The following GALNT13 variants were observed in gnomAD, a reference collection of about 807,000 sequenced individuals.
GALNT13 encodes UDP-GalNAc:polypeptide N-acetylgalactosaminyltransferase 13.
In GALNT13, 28 loss-of-function variants were observed where a neutral mutation model predicts 64.2. The ratio of observed to expected loss-of-function variants is 0.44; its 90% CI spans 0.32 to 0.60. GALNT13 has a LOEUF of 0.60. Among genes scored for constraint, GALNT13 ranks in the 20% least tolerant of loss-of-function variants. The pLI is 0.05. For missense variants in GALNT13, 577 were observed against 669.8 expected (o/e 0.86, Z 1.53); for synonymous variants, 214 against 224.6 (o/e 0.95, Z 0.42).
At chr2:153,436,271 A>T in the GALNT13 span, among the ~76,000 whole-genome samples, 1 of 152,122 alleles carries the variant, frequency 6.6e-6, no homozygotes, top group East Asian at 1.9e-4. Context: ...TTCATCAAGG[A>T]TATTGGTCTA....
At chr2:153,530,158 C>A in the GALNT13 span, among the ~76,000 whole-genome samples, 1 of 151,852 alleles carries the variant, frequency 6.6e-6, no homozygotes. Flanking sequence ...CTAAAGACTC[C>A]ACCAAAAACT....
the GALNT13 span, among the ~76,000 whole-genome samples, chr2:153,771,865 A>T: frequency 2.0e-5 from 3 of 152,306 alleles, no homozygotes; most frequent in Non-Finnish European, 4.4e-5. Context: ...CTGCACACAG[A>T]TGCAAGAGAA....
At chr2:153,420,202 T>A in the GALNT13 span, among the ~76,000 whole-genome samples, 1 of 152,144 alleles carries the variant, frequency 6.6e-6, no homozygotes, top group East Asian at 1.9e-4. Context: ...ATTATGAACG[T>A]TTTTAATGCC....
chr2:153,269,318 C>T, the GALNT13 span, among the ~76,000 whole-genome samples: 2 of 152,190 alleles, frequency 1.3e-5, no homozygotes, highest in Admixed American at 6.5e-5. Flanking sequence ...TAAATCATCT[C>T]TCTCAGATTC....
At chr2:153,544,512 A>G in the GALNT13 span, among the ~76,000 whole-genome samples, 3 of 152,336 alleles carry the variant, frequency 2.0e-5, no homozygotes, top group South Asian at 6.2e-4. Context: ...AATTTGGTAT[A>G]TTATTTCCTT....
chr2:153,098,498 T>C, the GALNT13 span, among the ~76,000 whole-genome samples: 1 of 152,222 alleles, frequency 6.6e-6, no homozygotes, highest in Non-Finnish European at 1.5e-5. Context: ...TTCCTATACA[T>C]AATATTTTAG....
chr2:153,253,862 C>T, the GALNT13 span, among the ~76,000 whole-genome samples: 4 of 152,172 alleles, frequency 2.6e-5, no homozygotes, highest in Non-Finnish European at 4.4e-5. Context: ...CTGCTGGATT[C>T]GGTTTGCCAG....
At chr2:153,746,424 A>G in the GALNT13 span, among the ~76,000 whole-genome samples, 1 of 152,192 alleles carries the variant, frequency 6.6e-6, no homozygotes, top group Non-Finnish European at 1.5e-5. Context: ...TAGTGTGTCT[A>G]AATATTTCTC....
chr2:153,238,166 C>T, the GALNT13 span, among the ~76,000 whole-genome samples: 2 of 152,018 alleles, frequency 1.3e-5, no homozygotes, highest in Non-Finnish European at 2.9e-5. Context: ...GTCTCTTGCT[C>T]ATTTTTAAAT....
At chr2:153,822,368 A>G in the GALNT13 span, among the ~76,000 whole-genome samples, 107 of 152,264 alleles carry the variant, frequency 7.0e-4, no homozygotes, top group African/African-American at 2.4e-3. Flanking sequence ...CAGCACACCA[A>G]TAAGTTAATT....
At chr2:154,277,263 A>G (rs1253970266) in intron 8 of GALNT13, among the ~76,000 whole-genome samples, 1 of 152,176 alleles carries the variant, frequency 6.6e-6, no homozygotes, top group African/African-American at 2.4e-5. Context: ...GATCCCTTAA[A>G]GACATCTAGG....
intron 3 of GALNT13, among the ~76,000 whole-genome samples, chr2:153,960,350 A>G (rs1484688914): frequency 1.3e-5 from 2 of 152,148 alleles, no homozygotes; most frequent in Admixed American, 6.5e-5. Context: ...AGCTTAATCC[A>G]TGAGGATTCT....
the GALNT13 span, among the ~76,000 whole-genome samples, chr2:153,846,517 G>C: frequency 6.6e-6 from 1 of 152,072 alleles, no homozygotes; most frequent in Non-Finnish European, 1.5e-5. Flanking sequence ...GGAAACATTT[G>C]TAAGATGTTA....
chr2:153,310,688 G>C, the GALNT13 span, among the ~76,000 whole-genome samples: 1 of 152,134 alleles, frequency 6.6e-6, no homozygotes, highest in South Asian at 2.1e-4. Flanking sequence ...CTAGTCAACA[G>C]TAGGCTATTA....
the GALNT13 span, among the ~76,000 whole-genome samples, chr2:153,564,522 A>G: frequency 3.3e-5 from 5 of 152,138 alleles, no homozygotes; most frequent in African/African-American, 1.2e-4. Flanking sequence ...TAAATATGTG[A>G]AAACAGCTGA....
intron 3 of GALNT13, among the ~76,000 whole-genome samples, chr2:154,024,476 C>G (rs1400752933): frequency 1.3e-5 from 2 of 152,142 alleles, no homozygotes; most frequent in Admixed American, 6.6e-5. Flanking sequence ...TCTTCCAGTT[C>G]ATTGCATCGG....
intron 11 of GALNT13, among the ~76,000 whole-genome samples, chr2:154,415,596 T>C (rs2105408972): frequency 6.6e-6 from 1 of 152,282 alleles, no homozygotes; most frequent in South Asian, 2.1e-4. Context: ...AGGTATGATC[T>C]ACACTTTTAT....
At chr2:153,462,828 C>A in the GALNT13 span, among the ~76,000 whole-genome samples, 1 of 152,200 alleles carries the variant, frequency 6.6e-6, no homozygotes, top group South Asian at 2.1e-4. Context: ...TTGGTCCTGG[C>A]TCATAAATAG....
the GALNT13 span, among the ~76,000 whole-genome samples, chr2:153,767,232 CT>C: frequency 6.6e-6 from 1 of 152,166 alleles, no homozygotes; most frequent in East Asian, 1.9e-4. Context: ...CATTATTTTG[CT>C]TAGAATAATG....
Sources: gnomAD v4.1 joint callset for allele counts (sites outside exome capture counted in the v4.1 genomes callset) on GRCh38, gnomAD v4.1.1 for gene constraint, MANE v1.5 for transcripts, NCBI Gene and HGNC (gene_info 2026-07-23, HGNC 2026-07-21) for gene names.